Variants in SNX21 observed in about 807,000 individuals in gnomAD.
SNX21 encodes sorting nexin family member 21, also known as sorting nexin-21.
In SNX21, 36 loss-of-function variants were observed where a neutral mutation model predicts 30.9. The observed-to-expected ratio is 1.16, with a 90% CI of 0.89 to 1.54. The LOEUF (loss-of-function observed/expected upper bound fraction) is 1.54. Among genes scored for constraint, SNX21 ranks in the 40% most tolerant of loss-of-function variants. The pLI is 0.00. For synonymous variants in SNX21, 218 were observed against 222.7 expected (o/e 0.98, Z 0.19); for missense variants, 508 against 516.5 (o/e 0.98, Z 0.16).
Position 45,840,131 on chromosome 20 carries a change from A to C in SNX21, c.448-508A>C, listed in dbSNP as rs78849448. ...GTAGCTGACCTGGGGTTAGAACTTG[A>C]GTCCTAGGCCAGTATACTTTTCACA... On this transcript the variant is annotated intron_variant, in intron 3 of 3. Coordinates refer to ENST00000491381, the MANE Select transcript of SNX21 (RefSeq NM_033421.4). 2.4e-3 allele frequency: 2,374 copies of C among 985,348 alleles called. 50 individuals carry two copies. In the African/African-American group the frequency reaches 0.039, roughly 16 times the overall value. The allele number at this position is 985,348 out of a possible 1,614,324, so 61.0% of individuals were successfully genotyped here.
Position 45,841,528 on chromosome 20 carries a change from C to T in SNX21, c.*215C>T, listed in dbSNP as rs6017702. On this transcript the variant is annotated 3_prime_UTR_variant, in exon 4 of 4. Coordinates refer to ENST00000491381, the MANE Select transcript of SNX21 (RefSeq NM_033421.4). The stretch of plus-strand genomic sequence containing the variant: ...TTGCCCTTGTGTAGTACAGGGAAGT[C>T]TGACACAGCCTCTCCAGCCTATAAA... 2 of 1,385,990 alleles carry T rather than the reference C, an allele frequency of 1.4e-6. No homozygotes were observed. The highest frequency in any genetic ancestry group is 1.9e-6 in the Non-Finnish European group (2 of 1,077,428). The allele number at this position is 1,385,990 out of a possible 1,614,324, so 85.9% of individuals were successfully genotyped here.
intron 3 of SNX21, among the ~76,000 whole-genome samples, chr20:45,837,013 C>T (rs1233886699): frequency 2.6e-5 from 4 of 152,180 alleles, no homozygotes; most frequent in Non-Finnish European, 4.4e-5. Flanking sequence ...TTTGAGCCTG[C>T]TTCCTCAGCT....
rs780584748 is a variant in SNX21, at chr20:45,841,743, T to C, written c.*430T>C. 2.8e-6 allele frequency: 4 copies of C among 1,451,806 alleles called. No individual in the cohort carries two copies. Among genetic ancestry groups the C allele is most frequent in the Non-Finnish European group, 3.6e-6 (4 of 1,109,034 alleles). 89.9% of individuals were successfully genotyped at this position (1,451,806 alleles called of 1,614,324 possible). On this transcript the variant is annotated 3_prime_UTR_variant, in exon 4 of 4. Coordinates refer to ENST00000491381, the MANE Select transcript of SNX21 (RefSeq NM_033421.4). Reference sequence around the variant, plus strand: ...CACTCCAGTGGTATCAGTCTCTTTATTGGATGTGAGGGCCAAAAGGGACTG... The same window carrying C: ...CACTCCAGTGGTATCAGTCTCTTTACTGGATGTGAGGGCCAAAAGGGACTG...
chr20:45,834,830 C>T, intron 2 of SNX21, 129 bp from the exon 3 acceptor site: 6 of 1,270,948 alleles, frequency 4.7e-6, no homozygotes, highest in Middle Eastern at 2.8e-4. Flanking sequence ...CCTCTCTGTC[C>T]CTCAGTTTCC....
chr20:45,834,619 TGA>T (rs1983355974), intron 2 of SNX21, 151 bp downstream of exon 2: 1 of 1,082,242 alleles, frequency 9.2e-7, no homozygotes, highest in Non-Finnish European at 1.3e-6. Context: ...TGTGTGACCT[TGA>T]GAGAGTCTTA....
At chr20:45,837,261 C>T (rs1381840401) in intron 3 of SNX21, among the ~76,000 whole-genome samples, 2 of 152,106 alleles carry the variant, frequency 1.3e-5, no homozygotes, top group Admixed American at 6.5e-5. Context: ...AAACTGGTGT[C>T]CTAAAGTGTG....
Position 45,840,819 on chromosome 20 carries a change from G to A in SNX21, c.628G>A (p.Ala210Thr), listed in dbSNP as rs1568730381. ...CCGGAATTTTACTGCAGAGACCATTGCCCGCCGTAGCCGGGCCTTTGAGCA... is the reference window on the plus strand; with the variant it reads ...CCGGAATTTTACTGCAGAGACCATTACCCGCCGTAGCCGGGCCTTTGAGCA... ...LRRNFTAETI[A>T]RRSRAFEQFL... is the part of the protein sequence containing the mutation. Residue 210 changes from alanine to threonine, a missense_variant, in exon 4 of 4, where the codon GCC (alanine) becomes ACC (threonine). Ala to Thr is a moderately conservative substitution (Grantham distance 58). Transcript: ENST00000491381. 6.2e-7 allele frequency: 1 copy of A among 1,613,748 alleles called. No homozygotes were observed. The highest frequency in any genetic ancestry group is 2.2e-5 in the East Asian group (1 of 44,884).
chr20:45,837,323 G>A (rs890488975), intron 3 of SNX21, among the ~76,000 whole-genome samples: 2 of 152,220 alleles, frequency 1.3e-5, no homozygotes, highest in Non-Finnish European at 2.9e-5. Flanking sequence ...CTAAATAAAG[G>A]TTTTGCAGGC....
Position 45,834,300 on chromosome 20 carries a change from G to T in SNX21, c.121G>T (p.Glu41Ter). ...CAGTCCAGAGGCCGAGCAGTTTCCGGAGAGCTCAGAGCTGGAGGACGACGA... is the reference window on the plus strand; with the variant it reads ...CAGTCCAGAGGCCGAGCAGTTTCCGTAGAGCTCAGAGCTGGAGGACGACGA... ...AASPEAEQFP[E>*]SSELEDDDAE... The change falls in exon 2 of 4, where the codon GAG (glutamate) becomes TAG (stop). Residue 41 changes from glutamate to a stop codon, truncating the protein, a stop_gained. Transcript: ENST00000491381. LOFTEE classifies it high-confidence loss of function. The T allele has an allele frequency of 6.3e-7, 1 of 1,595,338 alleles. No individual in the cohort carries two copies. The highest frequency in any genetic ancestry group is 1.7e-5 in the Admixed American group (1 of 58,436).
At position 45,840,716 on chromosome 20, in the gene SNX21, T is replaced by A. The variant is rs35898295; in HGVS notation, c.525T>A (p.Phe175Leu). The change falls in exon 4 of 4, where the codon TTT becomes TTA. Residue 175 changes from phenylalanine (F) to leucine (L), a missense_variant. Coordinates refer to ENST00000491381, the MANE Select transcript of SNX21 (RefSeq NM_033421.4). ...PAQISRRYSD[F>L]ERLHRNLQRQ... Reference sequence around the variant, plus strand: ...AGATCTCTCGCCGTTACTCGGACTTTGAGCGGCTGCACCGAAACCTGCAGC... The same window carrying A: ...AGATCTCTCGCCGTTACTCGGACTTAGAGCGGCTGCACCGAAACCTGCAGC... 3.2e-4 allele frequency: 511 copies of A among 1,614,182 alleles called. 5 individuals carry two copies. The African/African-American group carries it at 5.8e-3, about 18-fold the overall frequency.
At chr20:45,835,783 C>G (rs1983474371) in intron 3 of SNX21, among the ~76,000 whole-genome samples, 1 of 152,192 alleles carries the variant, frequency 6.6e-6, no homozygotes, top group Admixed American at 6.5e-5. Flanking sequence ...TCAATCAGTT[C>G]TCAAGCACCC....
Position 45,834,988 on chromosome 20 carries a change from G to C in SNX21, c.319G>C (p.Gly107Arg). 1 of 1,614,146 alleles carries C rather than the reference G, an allele frequency of 6.2e-7. No homozygotes were observed. The highest frequency in any genetic ancestry group is 1.1e-5 in the South Asian group (1 of 91,084). ...GAGCCCCCCACCTGATGGGCAGTGGGGCAGTCAGCTCCTGGCGCGGCAGCT... is the reference window on the plus strand; with the variant it reads ...GAGCCCCCCACCTGATGGGCAGTGGCGCAGTCAGCTCCTGGCGCGGCAGCT... ...ERSPPPDGQW[G>R]SQLLARQLQD... The change falls in exon 3 of 4, where the codon GGC becomes CGC. Residue 107 changes from glycine to arginine, a missense_variant. Coordinates refer to ENST00000491381, the MANE Select transcript of SNX21 (RefSeq NM_033421.4).
Position 45,841,252 on chromosome 20 carries a change from G to C in SNX21, c.1061G>C (p.Gly354Ala), listed in dbSNP as rs770469891. The change falls in exon 4 of 4, where the codon GGC (glycine) becomes GCC (alanine). Residue 354 changes from glycine (G) to alanine (A), a missense_variant. Physicochemically the swap from Gly to Ala is moderately conservative, Grantham distance 60. Coordinates refer to ENST00000491381, the MANE Select transcript of SNX21 (RefSeq NM_033421.4). ...EARLQALQEA[G>A]LTPTPPPSLK... ...CGGCTCCAAGCCCTGCAGGAGGCAG[G>C]CCTTACCCCCACACCACCCCCCAGT... 1 of 1,607,514 alleles carries C rather than the reference G, an allele frequency of 6.2e-7. No homozygotes were observed. The highest frequency in any genetic ancestry group is 1.7e-5 in the Admixed American group (1 of 58,464).
chr20:45,835,198 G>A (rs1983431596), intron 3 of SNX21, 82 bp downstream of exon 3: 2 of 1,455,174 alleles, frequency 1.4e-6, no homozygotes. Flanking sequence ...ACTTCCTGAG[G>A]GGTCTATGTA....
chr20:45,837,589 A>G (rs1983648571), intron 3 of SNX21, among the ~76,000 whole-genome samples: 1 of 152,112 alleles, frequency 6.6e-6, no homozygotes, highest in African/African-American at 2.4e-5. Flanking sequence ...TTGGCATTAT[A>G]GGTTAATCCA....
intron 3 of SNX21, among the ~76,000 whole-genome samples, chr20:45,836,517 A>AAAAAT (rs869269493): frequency 1.3e-4 from 16 of 125,230 alleles, no homozygotes; most frequent in Non-Finnish European, 2.5e-4. Flanking sequence ...AAAAAAAAAA[A>AAAAAT]TTTTGAGACA....
intron 2 of SNX21, chr20:45,834,758 G>C: frequency 1.4e-6 from 1 of 701,362 alleles, no homozygotes; most frequent in Non-Finnish European, 2.4e-6. Flanking sequence ...ACGATATTTT[G>C]AGGGTGGAGC....
chr20:45,842,851 G>T lies in SNX21; in HGVS notation c.*1538G>T. The T allele has an allele frequency of 1.0e-6, 1 of 996,158 alleles. No individual in the cohort carries two copies. Among genetic ancestry groups the T allele is most frequent in the Non-Finnish European group, 1.2e-6 (1 of 835,740 alleles). 61.7% of individuals were successfully genotyped at this position (996,158 alleles called of 1,614,324 possible). ...AGAATACCCCTTATCTGAGTATAAAGAATCCTTGAGTTTTGTCCTTGGTTT... is the reference window on the plus strand; with the variant it reads ...AGAATACCCCTTATCTGAGTATAAATAATCCTTGAGTTTTGTCCTTGGTTT... On this transcript the variant is annotated 3_prime_UTR_variant, in exon 4 of 4. Transcript: ENST00000491381.
In SNX21 at chr20:45,834,383, C is replaced by G. The variant is rs772045004; in HGVS notation, c.204C>G (p.Asp68Glu). ...SGTLSFTSAE[D>E]DEDDEDEDDE... is the part of the protein sequence containing the mutation. ...CCCTCAGCTTCACCAGCGCCGAGGA[C>G]GACGAGGACGACGAGGACGAGGACG... Residue 68 changes from aspartate (D) to glutamate (E), a missense_variant, in exon 2 of 4, where the codon GAC becomes GAG. Coordinates refer to ENST00000491381, the MANE Select transcript of SNX21 (RefSeq NM_033421.4). 30 of 1,601,388 alleles carry G rather than the reference C, an allele frequency of 1.9e-5. No individual in the cohort carries two copies. Among genetic ancestry groups the G allele is most frequent in the Admixed American group, 1.5e-4 (9 of 58,698 alleles).
Sources: gnomAD v4.1 joint callset for allele counts (sites outside exome capture counted in the v4.1 genomes callset) on GRCh38, gnomAD v4.1.1 for gene constraint, MANE v1.5 for transcripts, NCBI Gene and HGNC (gene_info 2026-07-23, HGNC 2026-07-21) for gene names.